The following LYRM9 variants were observed in gnomAD, a reference collection of about 807,000 sequenced individuals.
The protein encoded by LYRM9 is LYR motif-containing protein 9.
Under a neutral mutation model 12.6 loss-of-function variants are expected in LYRM9, and 14 were observed. That is an observed-to-expected ratio of 1.11 (90% CI 0.73 to 1.73). LYRM9 has a LOEUF of 1.73. Ranked by LOEUF, LYRM9 falls within the 40% of genes most tolerant of loss-of-function variation. The pLI is 0.00. For missense variants in LYRM9, 94 were observed against 95.0 expected, an observed-to-expected ratio of 0.99 and a Z score of 0.04; for synonymous variants, 42 against 35.1, an observed-to-expected ratio of 1.20 and a Z score of -0.69.
Position 27,882,564 on chromosome 17 carries a change from C to T in LYRM9, c.126+5G>A, listed in dbSNP as rs1314064830. The T allele has an allele frequency of 4.4e-6, 7 of 1,579,022 alleles. No individual in the cohort carries two copies. Among genetic ancestry groups the T allele is most frequent in the South Asian group, 2.3e-5 (2 of 85,522 alleles). ...GCCCCCAGACCTGGTAGAGCCAGCTCGCACCTGCCTGACAGCATGCTTGTA... is the reference window on the plus strand; with the variant it reads ...GCCCCCAGACCTGGTAGAGCCAGCTTGCACCTGCCTGACAGCATGCTTGTA... On this transcript the variant is annotated splice_donor_5th_base_variant and intron_variant, in intron 2 of 3. Coordinates refer to ENST00000379102, the MANE Select transcript of LYRM9 (RefSeq NM_001076680.3).
chr17:27,890,329 C>G (rs1905389036), intron 1 of LYRM9, among the ~76,000 whole-genome samples: 1 of 152,134 alleles, frequency 6.6e-6, no homozygotes, highest in Non-Finnish European at 1.5e-5. Context: ...TCTACAAAAC[C>G]TTGCTCCATG....
At chr17:27,879,881 A>G in intron 3 of LYRM9, 1 of 579,670 alleles carries the variant, frequency 1.7e-6, no homozygotes, top group Non-Finnish European at 3.0e-6. Flanking sequence ...TTTCCTCCAT[A>G]ATTCTGCCCC....
Position 27,886,406 on chromosome 17 carries a change from T to C in LYRM9, c.-18-3694A>G, listed in dbSNP as rs1055179006. On this transcript the variant is annotated intron_variant, in intron 1 of 3. Transcript: ENST00000379102. The surrounding 1 kb of genome is among the most constrained non-coding windows in gnomAD (Gnocchi z 4.8). ...AATTTAAAGCGTAGGTTTGCTATTATTTAAGGGGCAATGAACCTCACAGCA... is the reference window on the plus strand; with the variant it reads ...AATTTAAAGCGTAGGTTTGCTATTACTTAAGGGGCAATGAACCTCACAGCA... Among the ~76,000 whole-genome samples, 1 of 152,230 alleles carries C rather than the reference T, an allele frequency of 6.6e-6. No homozygotes were observed. Among genetic ancestry groups the C allele is most frequent in the Non-Finnish European group, 1.5e-5 (1 of 68,038 alleles).
intron 1 of LYRM9, among the ~76,000 whole-genome samples, chr17:27,885,011 C>T (rs928272125): frequency 6.6e-6 from 1 of 152,180 alleles, no homozygotes; most frequent in South Asian, 2.1e-4. Context: ...TTAGCCAATT[C>T]CTCCTGGTTC....
At chr17:27,883,594 G>A (rs952045284) in intron 1 of LYRM9, among the ~76,000 whole-genome samples, 2 of 149,920 alleles carry the variant, frequency 1.3e-5, no homozygotes, top group Non-Finnish European at 3.0e-5. Flanking sequence ...AAATGGCAGT[G>A]AGCCAAGATA....
At chr17:27,883,170 C>T in intron 1 of LYRM9, 1 of 368,588 alleles carries the variant, frequency 2.7e-6, no homozygotes, top group Non-Finnish European at 5.6e-6. Flanking sequence ...GCAAAACCCA[C>T]AGCATCGGGA....
Position 27,886,474 on chromosome 17 carries a change from C to G in LYRM9, c.-18-3762G>C, listed in dbSNP as rs1037496832. ...GTCAATGCCTCTGGGCCTGGCAACA[C>G]TTGCCTCCCTTGCCCTGCCCTTTGG... On this transcript the variant is annotated intron_variant, in intron 1 of 3. Transcript: ENST00000379102. This position sits in a 1 kb window ranked among gnomAD's most constrained non-coding sequence, Gnocchi z 4.8. Among the ~76,000 whole-genome samples the G allele has an allele frequency of 1.3e-5, 2 of 152,214 alleles. No individual in the cohort carries two copies. The highest frequency in any genetic ancestry group is 2.9e-5 in the Non-Finnish European group (2 of 68,038).
intron 1 of LYRM9, chr17:27,883,351 G>A (rs1905128701): frequency 1.0e-5 from 2 of 200,090 alleles, no homozygotes; most frequent in South Asian, 7.4e-5. Context: ...GTGGGCACGT[G>A]ATTTCATTTC....
At chr17:27,879,572 T>A in intron 3 of LYRM9, 82 bp from the exon 4 acceptor site, 1 of 1,476,390 alleles carries the variant, frequency 6.8e-7, no homozygotes, top group Non-Finnish European at 9.2e-7. Context: ...GCCTCCATCA[T>A]CTGGACCTCA....
chr17:27,880,541 T>G (rs1186832896), intron 2 of LYRM9, 175 bp from the exon 3 acceptor site: 3 of 606,020 alleles, frequency 5.0e-6, no homozygotes, highest in East Asian at 5.5e-5. Flanking sequence ...GAGGCTCACT[T>G]GCTGCTGAAC....
At chr17:27,880,171 G>A (rs1325340939) in intron 3 of LYRM9, 103 bp downstream of exon 3, 1 of 900,660 alleles carries the variant, frequency 1.1e-6, no homozygotes, top group African/African-American at 1.6e-5. Flanking sequence ...TCCTCCACAG[G>A]GACCATTCTC....
intron 3 of LYRM9, 97 bp downstream of exon 3, chr17:27,880,177 T>G: frequency 1.0e-6 from 1 of 953,382 alleles, no homozygotes; most frequent in Non-Finnish European, 1.7e-6. Flanking sequence ...ACAGGGACCA[T>G]TCTCAACTGT....
intron 2 of LYRM9, 49 bp downstream of exon 2, chr17:27,882,520 A>G (rs1905094110): frequency 1.3e-6 from 2 of 1,507,568 alleles, no homozygotes; most frequent in Non-Finnish European, 1.8e-6. Context: ...CTGCGCCCCT[A>G]AGCCTGCCAT....
chr17:27,891,675 G>A (rs186828986), intron 1 of LYRM9, among the ~76,000 whole-genome samples: 2 of 152,216 alleles, frequency 1.3e-5, no homozygotes, highest in Non-Finnish European at 2.9e-5. Flanking sequence ...ATCACTTATT[G>A]TGATTATAAT....
intron 1 of LYRM9, among the ~76,000 whole-genome samples, chr17:27,889,466 C>G (rs1905352287): frequency 6.6e-6 from 1 of 152,090 alleles, no homozygotes; most frequent in African/African-American, 2.4e-5. Flanking sequence ...TGCCACGATG[C>G]CCGGCTAATT....
At chr17:27,888,528 T>C (rs1166367587) in intron 1 of LYRM9, among the ~76,000 whole-genome samples, 1 of 152,210 alleles carries the variant, frequency 6.6e-6, no homozygotes, top group East Asian at 1.9e-4. Context: ...GGAGAATCAC[T>C]TTACTCTCAG....
Position 27,882,696 on chromosome 17 carries a change from C to T in LYRM9, c.-2G>A, listed in dbSNP as rs1410756093. 5.0e-6 allele frequency: 8 copies of T among 1,598,362 alleles called. No homozygotes were observed. Among genetic ancestry groups the T allele is most frequent in the East Asian group, 4.5e-5 (2 of 44,282 alleles). On this transcript the variant is annotated 5_prime_UTR_variant, in exon 2 of 4. Coordinates refer to ENST00000379102, the MANE Select transcript of LYRM9 (RefSeq NM_001076680.3). ...TTCTGCTCCTGGCAGCGGGGCCATCCGTGAGACCCTCTGTCCCTGGAAAAC... is the reference window on the plus strand; with the variant it reads ...TTCTGCTCCTGGCAGCGGGGCCATCTGTGAGACCCTCTGTCCCTGGAAAAC...
chr17:27,889,810 C>T (rs997970317), intron 1 of LYRM9, among the ~76,000 whole-genome samples: 1 of 152,136 alleles, frequency 6.6e-6, no homozygotes, highest in African/African-American at 2.4e-5. Context: ...CAGTCAACTA[C>T]GCCATGCCAT....
At chr17:27,881,300 CCA>C (rs1457181748) in intron 2 of LYRM9, 3 of 152,778 alleles carry the variant, frequency 2.0e-5, no homozygotes, top group African/African-American at 7.3e-5. Flanking sequence ...ACTCCCAGCC[CCA>C]CACATCCTCC....
Sources: gnomAD v4.1 joint callset for allele counts (sites outside exome capture counted in the v4.1 genomes callset) on GRCh38, gnomAD v4.1.1 for gene constraint, Gnocchi (gnomAD v3.1) non-coding constraint, MANE v1.5 for transcripts, NCBI Gene and HGNC (gene_info 2026-07-23, HGNC 2026-07-21) for gene names.